Variants in MYO7A observed in about 807,000 individuals in gnomAD.
MYO7A encodes the protein unconventional myosin-VIIa.
In MYO7A, 210 loss-of-function variants were observed where a neutral mutation model predicts 263.8. The observed-to-expected ratio is 0.80, with a 90% CI of 0.71 to 0.89. The LOEUF is 0.89. MYO7A is among the 40% of genes least tolerant of loss of function. MYO7A has a pLI of 0.00. For synonymous variants in MYO7A, 1,239 were observed against 1,197.3 expected (o/e 1.03, Z -0.72); for missense variants, 2,820 against 2,968.3 (o/e 0.95, Z 1.16).
At chr11:77,179,997 C>T (rs1038292328) in intron 21 of MYO7A, 44 bp downstream of exon 21, 33 of 1,485,796 alleles carry the variant, frequency 2.2e-5, no homozygotes, top group Admixed American at 1.9e-4. Context: ...GACCCCTGGG[C>T]GAGGAGTGTC....
chr11:77,161,879 C>G (rs1045465445), intron 12 of MYO7A, among the ~76,000 whole-genome samples: 2 of 151,240 alleles, frequency 1.3e-5, no homozygotes, highest in African/African-American at 2.5e-5. Flanking sequence ...TCCTGAAAAG[C>G]CTTAGCTCTC....
Position 77,208,755 on chromosome 11 carries a change from G to A in MYO7A, c.6003G>A (p.Thr2001=), listed in dbSNP as rs775879461. 13 of 1,583,112 alleles carry A rather than the reference G, an allele frequency of 8.2e-6. No individual in the cohort carries two copies. Among genetic ancestry groups the A allele is most frequent in the South Asian group, 1.2e-5 (1 of 86,190 alleles). Residue 2001 remains threonine (T), a synonymous_variant, in exon 44 of 49, where the codon ACG becomes ACA. Transcript: ENST00000409709. ...VFFMKKLWTT[T]VPGKDPMADS... ...TCATGAAGAAGCTGTGGACCACCACGGTGCCAGGGAAGGATCCCATGGCCG... is the reference window on the plus strand; with the variant it reads ...TCATGAAGAAGCTGTGGACCACCACAGTGCCAGGGAAGGATCCCATGGCCG...
At chr11:77,184,843 G>A (rs1249208882) in intron 27 of MYO7A, 128 bp downstream of exon 27, 1 of 1,442,050 alleles carries the variant, frequency 6.9e-7, no homozygotes. Flanking sequence ...CTAGTTGGTG[G>A]AGTTAGGACC....
At position 77,208,499 on chromosome 11, in the gene MYO7A, G is replaced by T. The variant is rs1286024125; in HGVS notation, c.5926G>T (p.Ala1976Ser). The change falls in exon 43 of 49, where the codon GCT becomes TCT. Residue 1976 changes from alanine (A) to serine (S), a missense_variant. Transcript: ENST00000409709. ...ACACTTGACAGACTGGATAAAGAAA[G>T]CTCGGCCCATCAAGGACGGTAATGA... ...VRHLTDWIKK[A>S]RPIKDGIVPS... The T allele has an allele frequency of 6.2e-7, 1 of 1,613,324 alleles. No individual in the cohort carries two copies. The highest frequency in any genetic ancestry group is 1.3e-5 in the African/African-American group (1 of 74,936).
intron 31 of MYO7A, 106 bp downstream of exon 31, chr11:77,192,384 G>C: frequency 8.3e-7 from 1 of 1,197,614 alleles, no homozygotes; most frequent in Non-Finnish European, 1.2e-6. Context: ...TCAGGCTGGG[G>C]TGAGCCTGAC....
At chr11:77,160,846 G>A (rs1952924699) in intron 11 of MYO7A, 127 bp from the exon 12 acceptor site, 1 of 1,065,772 alleles carries the variant, frequency 9.4e-7, no homozygotes, top group African/African-American at 1.6e-5. Flanking sequence ...CAAGTAAAGG[G>A]TTGGGGGTTT....
Position 77,213,748 on chromosome 11 carries a change from C to A in MYO7A, c.6439-112C>A, listed in dbSNP as rs1958005359. On this transcript the variant is annotated intron_variant, in intron 47 of 48. Coordinates refer to ENST00000409709, the MANE Select transcript of MYO7A (RefSeq NM_000260.4). ...AGCTGGATGGCAGAGCTGGCTTTTC[C>A]CTCCGGCCATGGGCTCCTCTGAGGG... The A allele has an allele frequency of 3.3e-6, 5 of 1,496,908 alleles. No homozygotes were observed. The South Asian group carries it at 3.6e-5, about 11-fold the overall frequency. The allele number at this position is 1,496,908 out of a possible 1,614,324, so 92.7% of individuals were successfully genotyped here.
Position 77,192,921 on chromosome 11 carries a change from TGA to T in MYO7A, c.4152+644_4152+645del, listed in dbSNP as rs1565442103. On this transcript the variant is annotated intron_variant, in intron 31 of 48. Transcript: ENST00000409709. ...TGGTGTTGGTGATGGTGGAGGGTAG[TGA>T]TGGTGTTGTTTGTGATGGTGGAGGT... 1.3e-4 allele frequency among the ~76,000 whole-genome samples: 9 copies of T among 68,668 alleles called. 1 individual carries two copies. The highest frequency in any genetic ancestry group is 2.2e-4 in the Non-Finnish European group (8 of 35,710). 45.0% of individuals were successfully genotyped at this position (68,668 alleles called of 152,430 possible).
At chr11:77,208,345 G>A in intron 42 of MYO7A, 85 bp from the exon 43 acceptor site, 1 of 1,045,830 alleles carries the variant, frequency 9.6e-7, no homozygotes, top group Admixed American at 2.0e-5. Context: ...CTGAGAAGGA[G>A]CAGCTGCCAG....
intron 2 of MYO7A, among the ~76,000 whole-genome samples, chr11:77,135,189 TAAAG>T (rs1950875196): frequency 6.6e-6 from 1 of 152,226 alleles, no homozygotes; most frequent in African/African-American, 2.4e-5. Flanking sequence ...TCTTGTAAAA[TAAAG>T]ATTCTATCCA....
chr11:77,200,230 C>T (rs1368749948), intron 35 of MYO7A, among the ~76,000 whole-genome samples: 1 of 151,678 alleles, frequency 6.6e-6, no homozygotes, highest in Non-Finnish European at 1.5e-5. Context: ...ATGATTGTGC[C>T]ACTGCAGTCC....
Position 77,189,456 on chromosome 11 carries a change from G to T in MYO7A, c.3616G>T (p.Glu1206Ter). Reference protein sequence around the residue: ...SLCVGCFAPSEKFVKYLRNFI... With the variant: ...SLCVGCFAPS Reference sequence around the variant, plus strand: ...CTGCGTGGGCTGTTTCGCCCCCTCCGAGAAGTTTGTCAAGGTAGGAAGGTG... The same window carrying T: ...CTGCGTGGGCTGTTTCGCCCCCTCCTAGAAGTTTGTCAAGGTAGGAAGGTG... Residue 1206 changes from glutamate to a stop codon, truncating the protein, a stop_gained, in exon 28 of 49, where the codon GAG becomes TAG. Transcript: ENST00000409709. LOFTEE classifies it high-confidence loss of function. 2.5e-6 allele frequency: 4 copies of T among 1,613,830 alleles called. No homozygotes were observed. The highest frequency in any genetic ancestry group is 2.5e-6 in the Non-Finnish European group (3 of 1,179,860).
rs991867389 is a variant in MYO7A at position 77,163,811 on chromosome 11, C to A, written c.1690+823C>A. 7.6e-5 allele frequency among the ~76,000 whole-genome samples: 9 copies of A among 117,764 alleles called. No homozygotes were observed. In the Admixed American group the frequency reaches 8.6e-4, roughly 11 times the overall value. 77.3% of individuals were successfully genotyped at this position (117,764 alleles called of 152,430 possible). ...TTGTGTGGATAAACCTTTTGTTTAT[C>A]CATTTATCTGCTAATGGACTTTTGG... On this transcript the variant is annotated intron_variant, in intron 14 of 48. Coordinates refer to ENST00000409709, the MANE Select transcript of MYO7A (RefSeq NM_000260.4).
chr11:77,162,833 G>T lies in MYO7A; in HGVS notation c.1555-20G>T. The T allele has an allele frequency of 6.2e-7, 1 of 1,606,230 alleles. No homozygotes were observed. Among genetic ancestry groups the T allele is most frequent in the Non-Finnish European group, 8.5e-7 (1 of 1,174,574 alleles). On this transcript the variant is annotated intron_variant, in intron 13 of 48. Coordinates refer to ENST00000409709, the MANE Select transcript of MYO7A (RefSeq NM_000260.4). Reference sequence around the variant, plus strand: ...CCATGGAGGAGAGGGTGGGCTCACAGCTGCCCCTCCACTCCCCAGGGCACA... The same window carrying T: ...CCATGGAGGAGAGGGTGGGCTCACATCTGCCCCTCCACTCCCCAGGGCACA...
intron 48 of MYO7A, 37 bp downstream of exon 48, chr11:77,214,016 GC>G (rs1958018629): frequency 6.2e-7 from 1 of 1,612,458 alleles, no homozygotes; most frequent in Non-Finnish European, 8.5e-7. Context: ...TGGGCTCCCT[GC>G]CTTGCCTGCA....
At chr11:77,175,100 G>A (rs1441459033) in intron 17 of MYO7A, among the ~76,000 whole-genome samples, 186 bp downstream of exon 17, 3 of 152,212 alleles carry the variant, frequency 2.0e-5, no homozygotes, top group Non-Finnish European at 2.9e-5. Context: ...TGTTCAGCTG[G>A]TGAGGACTTC....
chr11:77,204,907 G>C (rs1184960516), intron 39 of MYO7A, among the ~76,000 whole-genome samples: 1 of 152,142 alleles, frequency 6.6e-6, no homozygotes, highest in East Asian at 1.9e-4. Flanking sequence ...TTCTCTGCAT[G>C]CCGTAATTTG....
intron 14 of MYO7A, among the ~76,000 whole-genome samples, chr11:77,163,825 A>G (rs1953250411): frequency 4.6e-3 from 1 of 218 alleles, no homozygotes; most frequent in Non-Finnish European, 9.8e-3. Context: ...TTATCTGCTA[A>G]TGGACTTTTG....
Position 77,157,495 on chromosome 11 carries a change from C to T in MYO7A, c.849+103C>T. 7 of 741,832 alleles carry T rather than the reference C, an allele frequency of 9.4e-6. 1 individual carries two copies. The highest frequency in any genetic ancestry group is 1.5e-5 in the Non-Finnish European group (7 of 454,674). 46.0% of individuals were successfully genotyped at this position (741,832 alleles called of 1,614,324 possible). A position where few individuals can be genotyped will look rare whatever the true frequency, so the allele number is the denominator to read the frequency against. ...TTGAGGTCTCACTGGTCACAGGGCTCAGGTGCCAGCTTCTTGCTGGCTTGT... is the reference window on the plus strand; with the variant it reads ...TTGAGGTCTCACTGGTCACAGGGCTTAGGTGCCAGCTTCTTGCTGGCTTGT... On this transcript the variant is annotated intron_variant, in intron 8 of 48. Coordinates refer to ENST00000409709, the MANE Select transcript of MYO7A (RefSeq NM_000260.4).
Sources: gnomAD v4.1 joint callset for allele counts (sites outside exome capture counted in the v4.1 genomes callset) on GRCh38, gnomAD v4.1.1 for gene constraint, MANE v1.5 for transcripts, NCBI Gene and HGNC (gene_info 2026-07-23, HGNC 2026-07-21) for gene names.